BAZ2B: variants seen among roughly 807,000 people sequenced by gnomAD.
BAZ2B encodes bromodomain adjacent to zinc finger domain 2B.
Under a neutral mutation model 246.0 loss-of-function variants are expected in BAZ2B, and 91 were observed. The ratio of observed to expected loss-of-function variants is 0.37; its 90% CI spans 0.31 to 0.44. BAZ2B has a LOEUF of 0.44. BAZ2B is among the 20% of genes least tolerant of loss of function. The pLI is 1.00. For missense variants in BAZ2B, 2,332 were observed against 2,533.7 expected (o/e 0.92, Z 1.71); for synonymous variants, 855 against 860.0 (o/e 0.99, Z 0.10).
chr2:159,688,178 T>C, the BAZ2B span, among the ~76,000 whole-genome samples: 5 of 151,774 alleles, frequency 3.3e-5, no homozygotes, highest in African/African-American at 9.7e-5. Flanking sequence ...TACCTGGGAC[T>C]ACAGGCATGT....
chr2:159,510,344 T>G (rs1250524573), intron 2 of BAZ2B, among the ~76,000 whole-genome samples: 1 of 152,078 alleles, frequency 6.6e-6, no homozygotes, highest in Non-Finnish European at 1.5e-5. Flanking sequence ...ATTTTATTTT[T>G]GTAGAGCAAA....
At position 159,448,335 on chromosome 2, in the gene BAZ2B, G is replaced by GA; in HGVS notation, c.408dup (p.Pro137SerfsTer12). 6.2e-7 allele frequency: 1 copy of GA among 1,613,454 alleles called. No homozygotes were observed. Among genetic ancestry groups the GA allele is most frequent in the South Asian group, 1.1e-5 (1 of 90,950 alleles). On this transcript the variant is annotated frameshift_variant, in exon 5 of 37. Coordinates refer to ENST00000392783, the MANE Select transcript of BAZ2B (RefSeq NM_013450.4). LOFTEE classifies it high-confidence loss of function. ...TGGGCTGGGGGAGCAAATAGTGGTG[G>GA]AATTCCCAGTAATGGTGGAAAGAAG...
chr2:159,425,916 G>T (rs1010434328), intron 13 of BAZ2B, among the ~76,000 whole-genome samples: 3 of 152,058 alleles, frequency 2.0e-5, no homozygotes, highest in African/African-American at 7.2e-5. Flanking sequence ...AAATGTACAT[G>T]GTTTTATAAC....
intron 8 of BAZ2B, 31 bp from the exon 9 acceptor site, chr2:159,433,394 A>G: frequency 6.4e-7 from 1 of 1,563,366 alleles, no homozygotes; most frequent in Non-Finnish European, 8.7e-7. Context: ...AAACACAACA[A>G]AATGTACCAC....
At chr2:159,410,417 C>T (rs1406100532) in intron 14 of BAZ2B, among the ~76,000 whole-genome samples, 2 of 152,114 alleles carry the variant, frequency 1.3e-5, no homozygotes, top group Non-Finnish European at 2.9e-5. Flanking sequence ...GAGGGGGTTT[C>T]CCCCCATGCT....
rs531026194 is a variant in BAZ2B at position 159,362,514 on chromosome 2, G to A, written c.4213+10531C>T. ...TATGGAGGCTGGGAATCCTGTGTAC[G>A]GTTACTTCTTTGCTTGTAGGTTACT... On this transcript the variant is annotated intron_variant, in intron 27 of 36. Coordinates refer to ENST00000392783, the MANE Select transcript of BAZ2B (RefSeq NM_013450.4). Among the ~76,000 whole-genome samples, 5 of 152,244 alleles carry A rather than the reference G, an allele frequency of 3.3e-5. No homozygotes were observed. The East Asian group carries it at 7.7e-4, about 24-fold the overall frequency.
At chr2:159,684,881 T>C in the BAZ2B span, among the ~76,000 whole-genome samples, 1 of 152,188 alleles carries the variant, frequency 6.6e-6, no homozygotes, top group African/African-American at 2.4e-5. Flanking sequence ...CAAAAAGGTA[T>C]TTTTAAAACC....
At chr2:159,368,102 C>T (rs1243622465) in intron 27 of BAZ2B, among the ~76,000 whole-genome samples, 1 of 152,076 alleles carries the variant, frequency 6.6e-6, no homozygotes, top group Non-Finnish European at 1.5e-5. Flanking sequence ...AGATTGTGAG[C>T]TTTTTGTGGA....
intron 31 of BAZ2B, among the ~76,000 whole-genome samples, chr2:159,346,572 G>A (rs2067857978): frequency 6.6e-6 from 1 of 151,998 alleles, no homozygotes; most frequent in African/African-American, 2.4e-5. Context: ...GGGCATCACG[G>A]CATGTACTTT....
chr2:159,325,133 A>ATATATATATATT (rs2063497791), intron 35 of BAZ2B, among the ~76,000 whole-genome samples, 179 bp from the exon 36 acceptor site: 1 of 40,994 alleles, frequency 2.4e-5, no homozygotes, highest in African/African-American at 9.8e-5. Flanking sequence ...ATATATATAT[A>ATATATATATATT]TATATATATA....
At chr2:159,365,431 C>T (rs1398701951) in intron 27 of BAZ2B, among the ~76,000 whole-genome samples, 4 of 152,148 alleles carry the variant, frequency 2.6e-5, no homozygotes, top group Non-Finnish European at 5.9e-5. Context: ...ACTTGGTATG[C>T]CAAGACCTGA....
chr2:159,493,922 ATG>A (rs997341996), intron 2 of BAZ2B, among the ~76,000 whole-genome samples: 20 of 152,318 alleles, frequency 1.3e-4, no homozygotes, highest in African/African-American at 4.1e-4. Context: ...TTATGTGTGC[ATG>A]GGTTTCCCTT....
In BAZ2B at chr2:159,319,959, G is replaced by A. The variant is rs2062507438; in HGVS notation, c.*306C>T. The A allele has an allele frequency of 5.4e-6, 1 of 183,824 alleles. No individual in the cohort carries two copies. The highest frequency in any genetic ancestry group is 1.1e-5 in the Non-Finnish European group (1 of 89,172). The allele number at this position is 183,824 out of a possible 1,614,324, so 11.4% of individuals were successfully genotyped here. On this transcript the variant is annotated 3_prime_UTR_variant, in exon 37 of 37. Transcript: ENST00000392783. The surrounding 1 kb of genome is among the most constrained non-coding windows in gnomAD (Gnocchi z 4.0). ...TTAGAGCTCTGGTGTTGAGTATTCA[G>A]TGCGATTTGATATATTTTAATTGCT...
chr2:159,603,023 G>T (rs567258341), intron 1 of BAZ2B, among the ~76,000 whole-genome samples: 1 of 152,342 alleles, frequency 6.6e-6, no homozygotes, highest in African/African-American at 2.4e-5. Context: ...ACTAGTCCCA[G>T]CTACTTGGGA....
chr2:159,451,412 A>G (rs1027439424), intron 4 of BAZ2B, among the ~76,000 whole-genome samples: 1 of 152,204 alleles, frequency 6.6e-6, no homozygotes, highest in African/African-American at 2.4e-5. Flanking sequence ...GGGCAATTTA[A>G]AAGTCTGGCA....
intron 25 of BAZ2B, among the ~76,000 whole-genome samples, chr2:159,382,190 C>T (rs892717953): frequency 6.6e-6 from 1 of 152,114 alleles, no homozygotes; most frequent in Admixed American, 6.5e-5. Context: ...TTTCACTAAA[C>T]CTGACAACAC....
the BAZ2B span, among the ~76,000 whole-genome samples, chr2:159,662,829 G>C: frequency 6.6e-6 from 1 of 152,106 alleles, no homozygotes; most frequent in Non-Finnish European, 1.5e-5. Context: ...ACTGCGCCCA[G>C]CCCTTACTTT....
At chr2:159,360,108 C>T (rs1376417999) in intron 27 of BAZ2B, among the ~76,000 whole-genome samples, 2 of 152,094 alleles carry the variant, frequency 1.3e-5, no homozygotes, top group African/African-American at 2.4e-5. Flanking sequence ...CTGGCCGGGG[C>T]AATCAGGTAA....
intron 13 of BAZ2B, among the ~76,000 whole-genome samples, chr2:159,426,027 G>A (rs909911418): frequency 2.6e-5 from 4 of 151,972 alleles, no homozygotes; most frequent in African/African-American, 9.7e-5. Flanking sequence ...ACTAATTTTG[G>A]TTTTAGCTAA....
Sources: gnomAD v4.1 joint callset for allele counts (sites outside exome capture counted in the v4.1 genomes callset) on GRCh38, gnomAD v4.1.1 for gene constraint, Gnocchi (gnomAD v3.1) non-coding constraint, MANE v1.5 for transcripts, NCBI Gene and HGNC (gene_info 2026-07-23, HGNC 2026-07-21) for gene names.